The following COL21A1 variants were observed in gnomAD, a reference collection of about 807,000 sequenced individuals.
The protein encoded by COL21A1 is collagen alpha-1(XXI) chain.
In COL21A1, 149 loss-of-function variants were observed where a neutral mutation model predicts 137.9. That is an observed-to-expected ratio of 1.08 (90% CI 0.95 to 1.24). COL21A1 has a LOEUF of 1.24. Among genes scored for constraint, COL21A1 ranks in the 50% most tolerant of loss-of-function variants. The pLI is 0.00. For missense variants in COL21A1, 1,167 were observed against 1,158.4 expected (o/e 1.01, Z -0.11); for synonymous variants, 456 against 391.5 (o/e 1.16, Z -1.95).
At position 56,057,432 on chromosome 6, in the gene COL21A1, C is replaced by G; in HGVS notation, c.*225G>C. On this transcript the variant is annotated 3_prime_UTR_variant, in exon 30 of 30. Transcript: ENST00000244728. The stretch of plus-strand genomic sequence containing the variant: ...TAACATAAATGGACTTTACAAGAAA[C>G]CCTTGAGATTTAATTAATGCTGCTA... 1.9e-6 allele frequency: 1 copy of G among 513,214 alleles called. No individual in the cohort carries two copies. The highest frequency in any genetic ancestry group is 3.4e-6 in the Non-Finnish European group (1 of 295,664). 31.8% of individuals were successfully genotyped at this position (513,214 alleles called of 1,614,324 possible).
intron 3 of COL21A1, 42 bp from the exon 4 acceptor site, chr6:56,171,170 T>C (rs2152273174): frequency 7.0e-7 from 1 of 1,430,438 alleles, no homozygotes; most frequent in Non-Finnish European, 9.4e-7. Flanking sequence ...TCATGGACTA[T>C]TCAAACAATA....
intron 1 of COL21A1, among the ~76,000 whole-genome samples, chr6:56,348,542 A>T (rs1297476792): frequency 6.6e-6 from 1 of 152,154 alleles, no homozygotes. Context: ...AAGGAGGGAG[A>T]GGTTCTTCTG....
At chr6:56,293,015 A>G (rs1219833344) in intron 1 of COL21A1, among the ~76,000 whole-genome samples, 1 of 152,202 alleles carries the variant, frequency 6.6e-6, no homozygotes, top group Non-Finnish European at 1.5e-5. Flanking sequence ...TCATTAGACT[A>G]GCTCATATCA....
chr6:56,165,792 A>G (rs940818608), intron 7 of COL21A1, among the ~76,000 whole-genome samples: 7 of 152,166 alleles, frequency 4.6e-5, no homozygotes, highest in Non-Finnish European at 7.3e-5. Flanking sequence ...TTTAAAAACT[A>G]TGGTTGACTC....
At chr6:56,161,299 C>T (rs1313990708) in intron 9 of COL21A1, among the ~76,000 whole-genome samples, 3 of 152,158 alleles carry the variant, frequency 2.0e-5, no homozygotes, top group East Asian at 1.9e-4. Context: ...ATACATCTAA[C>T]GTTTCAGGTT....
intron 1 of COL21A1, among the ~76,000 whole-genome samples, chr6:56,339,880 G>A (rs7454353): frequency 0.66 from 100,567 of 151,992 alleles, 33,476 homozygotes; most frequent in South Asian, 0.81. Context: ...GGAGAATACC[G>A]GAAAAAATAT....
intron 17 of COL21A1, among the ~76,000 whole-genome samples, chr6:56,080,529 G>T (rs1767660935): frequency 6.6e-6 from 1 of 151,758 alleles, no homozygotes; most frequent in Non-Finnish European, 1.5e-5. Context: ...AAGGGAATGT[G>T]TCTATGACAA....
At chr6:56,358,909 G>A (rs1447761541) in intron 1 of COL21A1, among the ~76,000 whole-genome samples, 1 of 151,834 alleles carries the variant, frequency 6.6e-6, no homozygotes, top group Non-Finnish European at 1.5e-5. Context: ...AGTATAATGT[G>A]GTGTATTTTC....
intron 1 of COL21A1, among the ~76,000 whole-genome samples, chr6:56,349,961 G>A (rs1274586950): frequency 6.6e-6 from 1 of 152,174 alleles, no homozygotes; most frequent in South Asian, 2.1e-4. Flanking sequence ...TGTGAACTCT[G>A]TTGGGATCCT....
intron 1 of COL21A1, among the ~76,000 whole-genome samples, chr6:56,323,717 C>A (rs1466077298): frequency 1.3e-5 from 2 of 152,064 alleles, no homozygotes; most frequent in African/African-American, 4.8e-5. Flanking sequence ...GTAGCTCTTT[C>A]TTAAGTGTTC....
At chr6:56,276,459 G>A in intron 1 of COL21A1, 2 of 655,450 alleles carry the variant, frequency 3.1e-6, no homozygotes, top group Non-Finnish European at 5.1e-6. Context: ...TCTTTCTAAT[G>A]TAAAAATACA....
intron 1 of COL21A1, among the ~76,000 whole-genome samples, chr6:56,182,962 C>T (rs992431697): frequency 6.6e-6 from 1 of 152,132 alleles, no homozygotes; most frequent in Non-Finnish European, 1.5e-5. Context: ...GCCTGTAGAA[C>T]CTTATCTCAT....
rs574479791 is a variant in COL21A1, at chr6:56,060,069, C to A, written c.2557G>T (p.Val853Phe). The A allele has an allele frequency of 6.2e-7, 1 of 1,610,818 alleles. No homozygotes were observed. The highest frequency in any genetic ancestry group is 1.3e-5 in the African/African-American group (1 of 74,834). The change falls in exon 28 of 30, where the codon GTT becomes TTT. Residue 853 changes from valine (V) to phenylalanine (F), a missense_variant. Physicochemically the swap from Val to Phe is conservative, Grantham distance 50. Transcript: ENST00000244728. ...CCAGGGACACCCACTAATCCAGGAA[C>A]ACCATCTCTTCCTGGCAAACCAGGT... ...GLPGLPGRDG[V>F]PGLVGVPGRP...
chr6:56,093,426 G>A (rs1334435229), intron 17 of COL21A1, among the ~76,000 whole-genome samples: 1 of 152,136 alleles, frequency 6.6e-6, no homozygotes, highest in African/African-American at 2.4e-5. Context: ...CTTTCCATCT[G>A]TGAACCTATA....
chr6:56,262,579 T>C (rs905993167), intron 1 of COL21A1, among the ~76,000 whole-genome samples: 4 of 152,274 alleles, frequency 2.6e-5, no homozygotes, highest in Middle Eastern at 3.4e-3. Context: ...CTGTTTTTCC[T>C]CTGTAGATCT....
At chr6:56,353,804 A>G (rs1450937647) in intron 1 of COL21A1, among the ~76,000 whole-genome samples, 1 of 152,194 alleles carries the variant, frequency 6.6e-6, no homozygotes, top group East Asian at 1.9e-4. Flanking sequence ...CAAAACAAAC[A>G]TGCTACAGGG....
intron 16 of COL21A1, among the ~76,000 whole-genome samples, chr6:56,121,322 A>G (rs898980566): frequency 1.3e-5 from 2 of 151,954 alleles, no homozygotes; most frequent in African/African-American, 4.8e-5. Context: ...ACTATATGAT[A>G]TGCTGAAAAA....
intron 17 of COL21A1, among the ~76,000 whole-genome samples, chr6:56,081,029 G>A (rs556739459): frequency 6.6e-5 from 10 of 151,710 alleles, no homozygotes; most frequent in African/African-American, 1.9e-4. Flanking sequence ...TTTCTTTGTC[G>A]GGAAAATAAT....
At chr6:56,367,495 C>T (rs1032398097) in intron 1 of COL21A1, among the ~76,000 whole-genome samples, 1 of 152,162 alleles carries the variant, frequency 6.6e-6, no homozygotes, top group African/African-American at 2.4e-5. Flanking sequence ...CACTCTTCTA[C>T]AGTATAATTT....
Sources: allele counts gnomAD v4.1 joint callset (sites outside exome capture counted in the v4.1 genomes callset), GRCh38; gene constraint gnomAD v4.1.1; transcripts MANE v1.5; gene names NCBI Gene and HGNC (gene_info 2026-07-23, HGNC 2026-07-21).